KLHL1: variants seen among roughly 807,000 people sequenced by gnomAD.
KLHL1 encodes kelch-like protein 1.
In KLHL1, 47 loss-of-function variants were observed where a neutral mutation model predicts 77.7. That is an observed-to-expected ratio of 0.60 (90% CI 0.48 to 0.77). KLHL1 has a LOEUF of 0.77. KLHL1 is among the 30% of genes least tolerant of loss of function. The pLI is 0.00. For synonymous variants in KLHL1, 360 were observed against 325.2 expected, an observed-to-expected ratio of 1.11 and a Z score of -1.15; for missense variants, 925 against 910.8, an observed-to-expected ratio of 1.02 and a Z score of -0.20.
chr13:69,824,740 T>C (rs1878477196), intron 6 of KLHL1, among the ~76,000 whole-genome samples: 1 of 152,230 alleles, frequency 6.6e-6, no homozygotes, highest in Non-Finnish European at 1.5e-5. Flanking sequence ...TAGTTGTCTT[T>C]GGAGATGTGG....
At chr13:70,061,910 A>G (rs182842922) in intron 1 of KLHL1, among the ~76,000 whole-genome samples, 170 of 152,322 alleles carry the variant, frequency 1.1e-3, no homozygotes, top group Non-Finnish European at 1.9e-3. Flanking sequence ...ATCAGCATGT[A>G]TATCAACTCA....
chr13:69,875,916 T>C (rs1022848114), intron 5 of KLHL1, among the ~76,000 whole-genome samples: 1 of 152,118 alleles, frequency 6.6e-6, no homozygotes, highest in Non-Finnish European at 1.5e-5. Flanking sequence ...AATGATGGCC[T>C]GGTATAATCA....
intron 6 of KLHL1, among the ~76,000 whole-genome samples, chr13:69,797,941 G>A (rs538028830): frequency 8.6e-5 from 13 of 151,944 alleles, no homozygotes; most frequent in Middle Eastern, 3.4e-3. Flanking sequence ...TTTCTTAAAA[G>A]CTTTTTACAT....
In KLHL1 at chr13:69,772,108, C is replaced by A. The variant is rs183591861; in HGVS notation, c.1639+24630G>T. On this transcript the variant is annotated intron_variant, in intron 7 of 10. Coordinates refer to ENST00000377844, the MANE Select transcript of KLHL1 (RefSeq NM_020866.3). The stretch of plus-strand genomic sequence containing the variant: ...CTGGGATTACAGGCGCCTGCCACCA[C>A]GCCCAGCTAATTTTTGTATTTTTAA... Among the ~76,000 whole-genome samples the A allele has an allele frequency of 6.3e-3, 965 of 152,104 alleles. 10 individuals carry two copies. The highest frequency in any genetic ancestry group is 0.021 in the African/African-American group (876 of 41,512).
At chr13:69,955,801 G>T (rs1204287457) in intron 3 of KLHL1, among the ~76,000 whole-genome samples, 1 of 147,988 alleles carries the variant, frequency 6.8e-6, no homozygotes, top group Non-Finnish European at 1.5e-5. Flanking sequence ...TGTGCAAGTG[G>T]ATTCAAAATC....
intron 4 of KLHL1, among the ~76,000 whole-genome samples, chr13:69,911,791 T>A (rs1244288780): frequency 6.6e-6 from 1 of 152,158 alleles, no homozygotes; most frequent in African/African-American, 2.4e-5. Context: ...AGTTCTTTTC[T>A]ATTGTAATCT....
intron 7 of KLHL1, among the ~76,000 whole-genome samples, chr13:69,758,037 T>G (rs1874846247): frequency 6.6e-6 from 1 of 151,336 alleles, no homozygotes; most frequent in Admixed American, 6.6e-5. Flanking sequence ...TAATAAAAGG[T>G]TTTTTAAAAG....
intron 8 of KLHL1, among the ~76,000 whole-genome samples, chr13:69,737,678 G>A (rs1427141190): frequency 2.0e-5 from 3 of 152,184 alleles, no homozygotes; most frequent in Non-Finnish European, 4.4e-5. Context: ...CTCACTAGAG[G>A]GGGCCTCCCC....
chr13:70,055,565 AAAGAGT>A (rs1420858680), intron 1 of KLHL1, among the ~76,000 whole-genome samples: 6 of 152,142 alleles, frequency 3.9e-5, no homozygotes, highest in African/African-American at 1.4e-4. Flanking sequence ...TCGTGAGTAG[AAAGAGT>A]AAAAGACAAA....
chr13:69,739,916 G>A (rs751161117), intron 8 of KLHL1, among the ~76,000 whole-genome samples: 11 of 152,142 alleles, frequency 7.2e-5, no homozygotes, highest in Admixed American at 2.0e-4. Context: ...GGGGCATCTA[G>A]TGGGTAGAAA....
intron 4 of KLHL1, among the ~76,000 whole-genome samples, chr13:69,904,867 T>C (rs749946817): frequency 5.3e-5 from 8 of 152,166 alleles, no homozygotes; most frequent in Non-Finnish European, 5.9e-5. Context: ...CTTGGAATCT[T>C]CATTACCAAG....
At chr13:69,841,498 T>A (rs1308546113) in intron 5 of KLHL1, among the ~76,000 whole-genome samples, 1 of 151,488 alleles carries the variant, frequency 6.6e-6, no homozygotes, top group South Asian at 2.1e-4. Context: ...TAAATGTAAC[T>A]AAGGAAGTGA....
chr13:69,946,712 T>C (rs1282325221), intron 3 of KLHL1, among the ~76,000 whole-genome samples: 1 of 152,066 alleles, frequency 6.6e-6, no homozygotes, highest in Non-Finnish European at 1.5e-5. Flanking sequence ...TAGGTGTTGC[T>C]ATGTTGCCCA....
Position 69,891,754 on chromosome 13 carries a change from G to A in KLHL1, c.1015-9259C>T, listed in dbSNP as rs542192044. On this transcript the variant is annotated intron_variant, in intron 4 of 10. Transcript: ENST00000377844. ...CTTTGGAATGTTATGCAAAACATTT[G>A]CAATTATTTTGGGAAGATTCTTTAA... Among the ~76,000 whole-genome samples, 32 of 152,020 alleles carry A rather than the reference G, an allele frequency of 2.1e-4. No homozygotes were observed. The South Asian group carries it at 6.6e-3, about 32-fold the overall frequency.
intron 4 of KLHL1, among the ~76,000 whole-genome samples, chr13:69,918,532 C>G (rs1476842871): frequency 6.6e-6 from 1 of 150,520 alleles, no homozygotes; most frequent in East Asian, 1.9e-4. Context: ...TTTTCTTTAC[C>G]TTGCTTGCCA....
rs185893365 is a variant in KLHL1, at chr13:69,934,916, G to A, written c.1014+5124C>T. ...TGATTTATGGGAGGGTTCCCATTGC[G>A]TCTCATAATTTTTCTTTGTAAAATT... On this transcript the variant is annotated intron_variant, in intron 4 of 10. Coordinates refer to ENST00000377844, the MANE Select transcript of KLHL1 (RefSeq NM_020866.3). Among the ~76,000 whole-genome samples the A allele has an allele frequency of 1.3e-3, 189 of 145,728 alleles. 1 individual carries two copies. The highest frequency in any genetic ancestry group is 4.4e-3 in the African/African-American group (174 of 39,298).
chr13:70,086,072 T>C (rs774073798), intron 1 of KLHL1, among the ~76,000 whole-genome samples: 1 of 152,126 alleles, frequency 6.6e-6, no homozygotes, highest in South Asian at 2.1e-4. Context: ...CATATTACTA[T>C]TCCCATCTTA....
intron 1 of KLHL1, among the ~76,000 whole-genome samples, chr13:70,057,843 C>A (rs1566539612): frequency 6.7e-6 from 1 of 148,360 alleles, no homozygotes; most frequent in African/African-American, 2.5e-5. Flanking sequence ...AGGCCAATAT[C>A]TCTGATGAAT....
intron 4 of KLHL1, among the ~76,000 whole-genome samples, chr13:69,895,294 T>G (rs895900757): frequency 3.3e-5 from 5 of 152,096 alleles, no homozygotes; most frequent in African/African-American, 7.2e-5. Flanking sequence ...AGGTTCACAC[T>G]TCTTTTCTTG....
Sources: allele counts gnomAD v4.1 joint callset (sites outside exome capture counted in the v4.1 genomes callset), GRCh38; gene constraint gnomAD v4.1.1; transcripts MANE v1.5; gene names NCBI Gene and HGNC (gene_info 2026-07-23, HGNC 2026-07-21).